SLC38A8: variants seen among roughly 807,000 people sequenced by gnomAD.
SLC38A8 encodes solute carrier family 38 member 8.
Under a neutral mutation model 46.0 loss-of-function variants are expected in SLC38A8, and 65 were observed. The ratio of observed to expected loss-of-function variants is 1.41; its 90% CI spans 1.16 to 1.74. SLC38A8 has a LOEUF of 1.74. Ranked by LOEUF, SLC38A8 falls within the 40% of genes most tolerant of loss-of-function variation. SLC38A8 has a pLI of 0.00. For synonymous variants in SLC38A8, 447 were observed against 243.7 expected (o/e 1.83, Z -7.77); for missense variants, 998 against 567.9 (o/e 1.76, Z -7.70).
intron 6 of SLC38A8, among the ~76,000 whole-genome samples, chr16:84,028,173 C>A (rs549319779): frequency 1.3e-5 from 2 of 151,948 alleles, no homozygotes; most frequent in Admixed American, 1.3e-4. Context: ...CGGTGGTAAA[C>A]CCTGGACACA....
chr16:84,025,788 C>T (rs560749325), intron 6 of SLC38A8, among the ~76,000 whole-genome samples: 1 of 152,372 alleles, frequency 6.6e-6, no homozygotes, highest in Non-Finnish European at 1.5e-5. Flanking sequence ...GGCCTCCTCC[C>T]TCCGGCTTCC....
intron 3 of SLC38A8, 85 bp from the exon 4 acceptor site, chr16:84,033,554 G>T: frequency 6.9e-7 from 1 of 1,455,358 alleles, no homozygotes; most frequent in Non-Finnish European, 9.2e-7. Flanking sequence ...ACCCTGGCTG[G>T]GGTTGGACAT....
intron 6 of SLC38A8, among the ~76,000 whole-genome samples, chr16:84,025,905 G>T (rs571534384): frequency 6.6e-6 from 1 of 152,226 alleles, no homozygotes; most frequent in African/African-American, 2.4e-5. Flanking sequence ...TCTGCCAGCA[G>T]GGGGGACGCA....
At chr16:84,024,276 G>C (rs12933901) in intron 6 of SLC38A8, among the ~76,000 whole-genome samples, 46,796 of 152,108 alleles carry the variant, frequency 0.31, 7,881 homozygotes, top group Non-Finnish European at 0.37. Flanking sequence ...CCGGGGGCTT[G>C]ACCATGTCAC....
chr16:84,031,955 G>C lies in SLC38A8; in HGVS notation c.544C>G (p.Leu182Val), dbSNP rs146048236. The change falls in exon 5 of 11, where the codon CTG (leucine) becomes GTG (valine). Residue 182 changes from leucine to valine, a missense_variant. Physicochemically the swap from Leu to Val is conservative, Grantham distance 32 (BLOSUM62 1). Coordinates refer to ENST00000299709, the MANE Select transcript of SLC38A8 (RefSeq NM_001080442.3). The part of the protein sequence containing the change: ...FQKYTSILGT[L>V]AACYLALVIT... ...ACCAGGGCCAGGTAACAGGCAGCCA[G>C]AGTGCCTAGGATGCTAACACAGTGA... is the stretch of plus-strand genomic sequence containing the variant. The C allele has an allele frequency of 6.2e-7, 1 of 1,614,210 alleles. No individual in the cohort carries two copies. The highest frequency in any genetic ancestry group is 8.5e-7 in the Non-Finnish European group (1 of 1,180,032).
intron 7 of SLC38A8, among the ~76,000 whole-genome samples, chr16:84,021,037 C>G (rs1333901515): frequency 2.0e-5 from 3 of 152,080 alleles, no homozygotes; most frequent in Non-Finnish European, 4.4e-5. Context: ...ATATCTCTTC[C>G]GCCAGATACC....
intron 3 of SLC38A8, among the ~76,000 whole-genome samples, chr16:84,034,583 C>T (rs1275655539): frequency 1.3e-5 from 2 of 152,154 alleles, no homozygotes; most frequent in Non-Finnish European, 2.9e-5. Context: ...GTTGTTGGCC[C>T]TGAGGTGTCT....
intron 3 of SLC38A8, among the ~76,000 whole-genome samples, chr16:84,035,356 C>A (rs979862009): frequency 6.6e-6 from 1 of 152,174 alleles, no homozygotes; most frequent in Non-Finnish European, 1.5e-5. Context: ...CTCAATACCC[C>A]CCAGTCAGGG....
At chr16:84,029,392 C>G in intron 6 of SLC38A8, 102 bp downstream of exon 6, 1 of 1,254,816 alleles carries the variant, frequency 8.0e-7, no homozygotes, top group East Asian at 2.5e-5. Context: ...GAGAAGTCCT[C>G]AGACGCCTCC....
intron 3 of SLC38A8, among the ~76,000 whole-genome samples, chr16:84,033,969 G>C (rs1463563228): frequency 6.6e-6 from 1 of 152,196 alleles, no homozygotes; most frequent in East Asian, 1.9e-4. Context: ...ATGGATCGTA[G>C]GTAGAGAGTT....
intron 6 of SLC38A8, among the ~76,000 whole-genome samples, chr16:84,024,365 G>C (rs889343450): frequency 2.0e-5 from 3 of 152,066 alleles, no homozygotes; most frequent in Non-Finnish European, 4.4e-5. Flanking sequence ...TTTTGGTAGA[G>C]ATGACTTCTT....
chr16:84,036,694 G>C lies in SLC38A8; in HGVS notation c.388+8C>G. The C allele has an allele frequency of 6.2e-7, 1 of 1,614,044 alleles. No homozygotes were observed. Among genetic ancestry groups the C allele is most frequent in the Admixed American group, 1.7e-5 (1 of 60,034 alleles). ...CTGGGCCACCCCGAGTCCCATGAAG[G>C]TACTTACGCTTCTCCAGCTGGTCCC... On this transcript the variant is annotated splice_region_variant and intron_variant, in intron 3 of 10. Coordinates refer to ENST00000299709, the MANE Select transcript of SLC38A8 (RefSeq NM_001080442.3).
chr16:84,036,191 G>C (rs2085297479), intron 3 of SLC38A8, among the ~76,000 whole-genome samples: 1 of 152,190 alleles, frequency 6.6e-6, no homozygotes, highest in South Asian at 2.1e-4. Flanking sequence ...ACAAGTCAAA[G>C]AAACCACAGT....
intron 6 of SLC38A8, among the ~76,000 whole-genome samples, chr16:84,024,608 C>T (rs1302028291): frequency 6.6e-6 from 1 of 152,064 alleles, no homozygotes; most frequent in African/African-American, 2.4e-5. Context: ...TGGTGAAACC[C>T]CGTCTCTACT....
At chr16:84,015,526 A>G (rs953041082) in intron 9 of SLC38A8, among the ~76,000 whole-genome samples, 46 of 152,070 alleles carry the variant, frequency 3.0e-4, no homozygotes, top group Admixed American at 9.8e-4. Context: ...TAGCATGGAC[A>G]GAGCTGTATG....
intron 3 of SLC38A8, among the ~76,000 whole-genome samples, chr16:84,034,151 TG>T (rs1344331289): frequency 1.3e-5 from 2 of 152,208 alleles, no homozygotes; most frequent in Non-Finnish European, 2.9e-5. Flanking sequence ...TCTCTCCACA[TG>T]GGCCACCTAG....
intron 2 of SLC38A8, among the ~76,000 whole-genome samples, chr16:84,039,338 A>T (rs945001957): frequency 5.9e-5 from 9 of 152,210 alleles, no homozygotes; most frequent in Non-Finnish European, 1.3e-4. Context: ...GGATTTCTCC[A>T]ATGTCCTCTC....
At position 84,033,488 on chromosome 16, in the gene SLC38A8, G is replaced by A; in HGVS notation, c.389-19C>T. ...TCACACACTGCCAGAGACACGGGGA[G>A]AGCTGAGCCACAGAGTACAAATGCC... On this transcript the variant is annotated intron_variant, in intron 3 of 10. Coordinates refer to ENST00000299709, the MANE Select transcript of SLC38A8 (RefSeq NM_001080442.3). 1 of 1,581,052 alleles carries A rather than the reference G, an allele frequency of 6.3e-7. No homozygotes were observed. Among genetic ancestry groups the A allele is most frequent in the Non-Finnish European group, 8.6e-7 (1 of 1,164,514 alleles).
intron 7 of SLC38A8, among the ~76,000 whole-genome samples, chr16:84,021,249 G>A (rs896301643): frequency 1.3e-5 from 2 of 152,120 alleles, no homozygotes; most frequent in Non-Finnish European, 2.9e-5. Context: ...ATTTTTAATA[G>A]AAATGCGGTT....
Sources: allele counts gnomAD v4.1 joint callset (sites outside exome capture counted in the v4.1 genomes callset), GRCh38; gene constraint gnomAD v4.1.1; transcripts MANE v1.5; gene names NCBI Gene and HGNC (gene_info 2026-07-23, HGNC 2026-07-21).